The following ARFGEF1 variants were observed in gnomAD, a reference collection of about 807,000 sequenced individuals.
The protein encoded by ARFGEF1 is ARF guanine nucleotide exchange factor 1.
ARFGEF1 carries 42 observed loss-of-function variants against 231.0 expected under a neutral mutation model. The ratio of observed to expected loss-of-function variants is 0.18; its 90% CI spans 0.14 to 0.24. The LOEUF (loss-of-function observed/expected upper bound fraction) is 0.24. ARFGEF1 is among the 10% of genes least tolerant of loss of function. The probability of loss-of-function intolerance (pLI) is 1.00; values close to 1 mark genes in which losing one functional copy is unlikely to be tolerated. For synonymous variants in ARFGEF1, 710 were observed against 732.3 expected (o/e 0.97, Z 0.49); for missense variants, 1,345 against 2,192.0 (o/e 0.61, Z 7.72).
intron 1 of ARFGEF1, among the ~76,000 whole-genome samples, chr8:67,339,838 A>C (rs951500660): frequency 3.7e-5 from 4 of 109,292 alleles, no homozygotes; most frequent in African/African-American, 1.4e-4. Flanking sequence ...TTTACTTCAA[A>C]ATGAAGTCTG....
intron 1 of ARFGEF1, among the ~76,000 whole-genome samples, chr8:67,334,628 T>C (rs147979783): frequency 2.1e-4 from 32 of 152,284 alleles, no homozygotes; most frequent in African/African-American, 7.2e-4. Flanking sequence ...TATACACAAA[T>C]ATTCATGGCA....
intron 23 of ARFGEF1, among the ~76,000 whole-genome samples, chr8:67,228,781 G>C (rs1484518811): frequency 1.3e-5 from 2 of 151,984 alleles, no homozygotes; most frequent in Non-Finnish European, 2.9e-5. Flanking sequence ...CTTTCCTTAG[G>C]GCATTCAAAT....
intron 1 of ARFGEF1, among the ~76,000 whole-genome samples, chr8:67,309,012 C>G (rs1306303912): frequency 6.6e-6 from 1 of 152,102 alleles, no homozygotes; most frequent in African/African-American, 2.4e-5. Context: ...TGTCCATCAT[C>G]AGATGAATGG....
At chr8:67,226,557 A>C (rs1839379770) in intron 27 of ARFGEF1, among the ~76,000 whole-genome samples, 1 of 152,164 alleles carries the variant, frequency 6.6e-6, no homozygotes, top group Non-Finnish European at 1.5e-5. Flanking sequence ...ACGTAAAATA[A>C]TATAAGTGAA....
At chr8:67,266,605 C>T (rs1316336041) in intron 13 of ARFGEF1, among the ~76,000 whole-genome samples, 1 of 151,818 alleles carries the variant, frequency 6.6e-6, no homozygotes, top group Non-Finnish European at 1.5e-5. Flanking sequence ...TTATATGTTT[C>T]CTCTATAATT....
chr8:67,193,181 A>G (rs999881835), downstream of ARFGEF1, among the ~76,000 whole-genome samples: 3 of 152,092 alleles, frequency 2.0e-5, no homozygotes, highest in Non-Finnish European at 4.4e-5. Context: ...CAGTGGCACA[A>G]TCTCAGCTCA....
At chr8:67,276,192 A>G in intron 8 of ARFGEF1, 83 bp from the exon 9 acceptor site, 5 of 1,446,462 alleles carry the variant, frequency 3.5e-6, no homozygotes, top group Non-Finnish European at 4.7e-6. Flanking sequence ...ATTTCATTCA[A>G]TTCACTAACA....
In ARFGEF1 at chr8:67,302,470, A is replaced by G. The variant is rs764412877; in HGVS notation, c.125-4T>C. The G allele has an allele frequency of 6.4e-7, 1 of 1,562,704 alleles. No individual in the cohort carries two copies. The highest frequency in any genetic ancestry group is 8.6e-7 in the Non-Finnish European group (1 of 1,158,748). On this transcript the variant is annotated splice_polypyrimidine_tract_variant and splice_region_variant and intron_variant, in intron 1 of 38. Transcript: ENST00000262215. ...TCAGTTTCCGCTTTTATTTCCTCTG[A>G]GGGGAAAAAAAAAGAAGCATACATT...
chr8:67,222,050 T>A (rs1839183925), intron 29 of ARFGEF1, among the ~76,000 whole-genome samples: 1 of 150,760 alleles, frequency 6.6e-6, no homozygotes, highest in Non-Finnish European at 1.5e-5. Context: ...CCTTTCCTCG[T>A]GATCCGCCCA....
At chr8:67,228,657 A>T (rs1839458643) in intron 23 of ARFGEF1, among the ~76,000 whole-genome samples, 1 of 152,068 alleles carries the variant, frequency 6.6e-6, no homozygotes, top group Admixed American at 6.6e-5. Context: ...AAAATGAAAA[A>T]TTTGACGTAT....
chr8:67,312,431 G>C (rs1015532893), intron 1 of ARFGEF1, among the ~76,000 whole-genome samples: 1 of 151,930 alleles, frequency 6.6e-6, no homozygotes, highest in African/African-American at 2.4e-5. Context: ...TCCAAGAGGT[G>C]AAAGAAAAGA....
chr8:67,209,025 C>T (rs1366019024), intron 34 of ARFGEF1, among the ~76,000 whole-genome samples: 1 of 152,204 alleles, frequency 6.6e-6, no homozygotes, highest in African/African-American at 2.4e-5. Context: ...TAGAAAATTG[C>T]TTGGTGGTTC....
At chr8:67,253,672 A>G in intron 17 of ARFGEF1, 50 bp from the exon 18 acceptor site, 1 of 1,044,214 alleles carries the variant, frequency 9.6e-7, no homozygotes, top group East Asian at 2.9e-5. Flanking sequence ...TAAAGGTTAC[A>G]CTTGTATTTT....
At chr8:67,320,342 A>C (rs1470725111) in intron 1 of ARFGEF1, among the ~76,000 whole-genome samples, 2 of 152,132 alleles carry the variant, frequency 1.3e-5, no homozygotes, top group African/African-American at 2.4e-5. Context: ...AATTTTAAAA[A>C]TACTGACACT....
In ARFGEF1 at chr8:67,271,946, A is replaced by G. The variant is rs770958401; in HGVS notation, c.1338-10T>C. On this transcript the variant is annotated splice_polypyrimidine_tract_variant and intron_variant, in intron 9 of 38. Coordinates refer to ENST00000262215, the MANE Select transcript of ARFGEF1 (RefSeq NM_006421.5). ...TCGTAGTTCATGAGACCTAAAATGT[A>G]AAAAAGAAGGCATAGTATATGAACA... The G allele has an allele frequency of 6.4e-7, 1 of 1,561,658 alleles. No individual in the cohort carries two copies. The highest frequency in any genetic ancestry group is 1.2e-5 in the South Asian group (1 of 86,246).
chr8:67,265,666 A>C (rs1216631833), intron 14 of ARFGEF1, among the ~76,000 whole-genome samples: 2 of 152,202 alleles, frequency 1.3e-5, no homozygotes, highest in Non-Finnish European at 2.9e-5. Context: ...AGCTATTAGA[A>C]GTTTCATATT....
intron 23 of ARFGEF1, 88 bp downstream of exon 23, chr8:67,232,767 G>T: frequency 1.1e-6 from 1 of 932,708 alleles, no homozygotes; most frequent in Non-Finnish European, 1.6e-6. Flanking sequence ...AATGATTTTG[G>T]CAATAATATT....
chr8:67,204,904 G>A, intron 34 of ARFGEF1, 85 bp from the exon 35 acceptor site: 1 of 1,509,226 alleles, frequency 6.6e-7, no homozygotes, highest in Non-Finnish European at 9.0e-7. Context: ...CAATGCTAAG[G>A]AAACATCAAT....
chr8:67,271,044 G>GAAA (rs1563878460), intron 10 of ARFGEF1, among the ~76,000 whole-genome samples: 6 of 115,412 alleles, frequency 5.2e-5, no homozygotes, highest in African/African-American at 2.3e-4. Flanking sequence ...AAAAAAAAAA[G>GAAA]GAAAAAGAAA....
Sources: gnomAD v4.1 joint callset for allele counts (sites outside exome capture counted in the v4.1 genomes callset) on GRCh38, gnomAD v4.1.1 for gene constraint, MANE v1.5 for transcripts, NCBI Gene and HGNC (gene_info 2026-07-23, HGNC 2026-07-21) for gene names.